Variants in COBL observed in about 807,000 individuals in gnomAD.
COBL encodes the protein protein cordon-bleu.
Under a neutral mutation model 98.8 loss-of-function variants are expected in COBL, and 51 were observed. The ratio of observed to expected loss-of-function variants is 0.52; its 90% confidence interval spans 0.41 to 0.65. The LOEUF (loss-of-function observed/expected upper bound fraction) is 0.65, where lower values mean the gene tolerates loss of function less well. Among genes scored for constraint, COBL ranks in the 30% least tolerant of loss-of-function variants. The pLI is 0.00. For synonymous variants in COBL, 634 were observed against 651.7 expected (o/e 0.97, Z 0.41); for missense variants, 1,617 against 1,617.5 (o/e 1.00, Z 0.01).
intron 5 of COBL, among the ~76,000 whole-genome samples, chr7:51,170,534 T>TATATATAA (rs1315143701): frequency 7.4e-6 from 1 of 134,502 alleles, no homozygotes; most frequent in African/African-American, 2.8e-5. Flanking sequence ...TATATATAAA[T>TATATATAA]ATATATCACA....
intron 6 of COBL, among the ~76,000 whole-genome samples, chr7:51,096,440 G>C (rs1053884404): frequency 2.0e-5 from 3 of 151,928 alleles, no homozygotes; most frequent in African/African-American, 7.2e-5. Context: ...TCAGCAATAT[G>C]ACTTTGTACC....
chr7:51,215,456 C>T (rs749816950), intron 2 of COBL, among the ~76,000 whole-genome samples: 6 of 152,010 alleles, frequency 3.9e-5, no homozygotes, highest in African/African-American at 9.7e-5. Flanking sequence ...GTTGGGAAGG[C>T]GGGCATTAGA....
chr7:51,293,589 T>C (rs574296371), intron 1 of COBL, among the ~76,000 whole-genome samples: 1 of 152,248 alleles, frequency 6.6e-6, no homozygotes, highest in African/African-American at 2.4e-5. Context: ...CAGAAAAACT[T>C]CTGTATCTCA....
chr7:51,233,205 G>A (rs1382414437), intron 1 of COBL, among the ~76,000 whole-genome samples: 1 of 152,192 alleles, frequency 6.6e-6, no homozygotes, highest in Non-Finnish European at 1.5e-5. Context: ...GGTTTTCCAT[G>A]AGCATCTGCA....
chr7:51,265,597 C>G (rs1798124719), intron 1 of COBL, among the ~76,000 whole-genome samples: 1 of 152,172 alleles, frequency 6.6e-6, no homozygotes, highest in Non-Finnish European at 1.5e-5. Flanking sequence ...GCCAGGGCCA[C>G]CCACAGAACC....
chr7:51,312,296 A>C (rs1016129702), intron 1 of COBL, among the ~76,000 whole-genome samples: 1 of 152,120 alleles, frequency 6.6e-6, no homozygotes, highest in Non-Finnish European at 1.5e-5. Flanking sequence ...GCACCATTGC[A>C]CTCCAGCCTG....
intron 1 of COBL, among the ~76,000 whole-genome samples, chr7:51,268,300 A>G (rs1331394629): frequency 1.3e-5 from 2 of 152,218 alleles, no homozygotes; most frequent in Non-Finnish European, 2.9e-5. Flanking sequence ...GGAAAATGCA[A>G]TCAATGCACC....
chr7:51,275,671 C>T (rs1799247056), intron 1 of COBL, among the ~76,000 whole-genome samples: 1 of 152,206 alleles, frequency 6.6e-6, no homozygotes, highest in Non-Finnish European at 1.5e-5. Flanking sequence ...CCAGCCGCCA[C>T]CAGCCACCAC....
chr7:51,088,635 T>C (rs765150772), intron 6 of COBL, among the ~76,000 whole-genome samples: 26 of 152,238 alleles, frequency 1.7e-4, no homozygotes, highest in Non-Finnish European at 3.1e-4. Context: ...CTGCTTATCA[T>C]ATTTTGAGTC....
chr7:51,170,505 T>TGA lies in COBL; in HGVS notation c.783+13595_783+13596dup, dbSNP rs201282366. Among the ~76,000 whole-genome samples, 567 of 135,238 alleles carry TGA rather than the reference T, an allele frequency of 4.2e-3. 2 individuals carry two copies. The highest frequency in any genetic ancestry group is 0.016 in the African/African-American group (548 of 34,982). The allele number at this position is 135,238 out of a possible 152,430, so 88.7% of individuals were successfully genotyped here. ...AGCTCTGAAACAAAACCTGACACTG[T>TGA]GATATATATATATATATATATATAT... On this transcript the variant is annotated intron_variant, in intron 5 of 12. Coordinates refer to ENST00000265136, the MANE Select transcript of COBL (RefSeq NM_015198.5).
chr7:51,032,918 T>C (rs1431508546), intron 8 of COBL: 2 of 152,162 alleles, frequency 1.3e-5, no homozygotes, highest in Non-Finnish European at 2.9e-5. Context: ...ATGGAAAACT[T>C]TTTAAATGCT....
intron 7 of COBL, among the ~76,000 whole-genome samples, chr7:51,075,279 C>G (rs1232273991): frequency 1.3e-5 from 2 of 152,190 alleles, no homozygotes; most frequent in Non-Finnish European, 2.9e-5. Context: ...CAATCAATAT[C>G]TGATTTGTAA....
intron 3 of COBL, 41 bp from the exon 4 acceptor site, chr7:51,191,119 C>T: frequency 5.1e-6 from 8 of 1,556,452 alleles, no homozygotes; most frequent in Non-Finnish European, 7.0e-6. Context: ...GTAAGATATC[C>T]TCCCACAAGC....
chr7:51,291,518 T>C (rs1425473754), intron 1 of COBL, among the ~76,000 whole-genome samples: 2 of 151,924 alleles, frequency 1.3e-5, no homozygotes, highest in African/African-American at 4.8e-5. Flanking sequence ...CCTAACACTT[T>C]GGGAGGCTGA....
intron 1 of COBL, among the ~76,000 whole-genome samples, chr7:51,301,387 G>C (rs1034228797): frequency 6.6e-6 from 1 of 152,170 alleles, no homozygotes. Context: ...CTGTGACGGG[G>C]AACTGCCTGG....
At chr7:51,279,341 C>A (rs144250946) in intron 1 of COBL, among the ~76,000 whole-genome samples, 1 of 152,320 alleles carries the variant, frequency 6.6e-6, no homozygotes, top group Non-Finnish European at 1.5e-5. Context: ...TTCCAACGTG[C>A]ATTATACTTT....
chr7:51,193,729 A>C (rs1034627294), intron 2 of COBL, 140 bp from the exon 3 acceptor site: 8 of 715,526 alleles, frequency 1.1e-5, no homozygotes, highest in African/African-American at 5.4e-5. Context: ...ACAGAAGCTC[A>C]TTAATTCCTT....
chr7:51,238,472 C>T (rs943107009), intron 1 of COBL, among the ~76,000 whole-genome samples: 8 of 152,142 alleles, frequency 5.3e-5, no homozygotes, highest in Non-Finnish European at 1.2e-4. Context: ...TGCAGCAACA[C>T]CGGGTAGAGC....
At position 51,244,232 on chromosome 7, in the gene COBL, G is replaced by A. The variant is rs75460130; in HGVS notation, c.42-24288C>T. Among the ~76,000 whole-genome samples the A allele has an allele frequency of 9.9e-5, 15 of 152,228 alleles. No homozygotes were observed. In the East Asian group the frequency reaches 2.5e-3, roughly 26 times the overall value. ...CAAAATGTAAACACAAGAATAGGCC[G>A]CACTCCAAGGAGAATGTCTAAGTCC... On this transcript the variant is annotated intron_variant, in intron 1 of 12. Transcript: ENST00000265136.
Sources: allele counts gnomAD v4.1 joint callset (sites outside exome capture counted in the v4.1 genomes callset), GRCh38; gene constraint gnomAD v4.1.1; transcripts MANE v1.5; gene names NCBI Gene and HGNC (gene_info 2026-07-23, HGNC 2026-07-21).